Variants in NAA25 observed in about 807,000 individuals in gnomAD.
NAA25 encodes N-alpha-acetyltransferase 25, NatB auxiliary subunit.
A neutral mutation model predicts 132.5 loss-of-function variants in NAA25; 30 were observed. The observed-to-expected ratio is 0.23, with a 90% CI of 0.17 to 0.31. The LOEUF (loss-of-function observed/expected upper bound fraction) is 0.31. Ranked by LOEUF, NAA25 falls within the 10% of genes least tolerant of loss-of-function variation. The pLI is 1.00. For synonymous variants in NAA25, 359 were observed against 401.9 expected (o/e 0.89, Z 1.28); for missense variants, 771 against 1,150.4 (o/e 0.67, Z 4.77).
intron 13 of NAA25, among the ~76,000 whole-genome samples, chr12:112,055,467 G>C (rs2078531328): frequency 6.6e-6 from 1 of 152,146 alleles, no homozygotes; most frequent in Non-Finnish European, 1.5e-5. Flanking sequence ...AGCTGAGGTG[G>C]GAGGATCACT....
chr12:112,076,040 G>A (rs565068961), intron 7 of NAA25, among the ~76,000 whole-genome samples: 4 of 152,012 alleles, frequency 2.6e-5, no homozygotes, highest in Non-Finnish European at 4.4e-5. Context: ...CTGCCACCAC[G>A]CCTGGCTAAT....
At chr12:112,092,281 G>T (rs566082589) in intron 2 of NAA25, among the ~76,000 whole-genome samples, 4 of 151,602 alleles carry the variant, frequency 2.6e-5, no homozygotes, top group Admixed American at 2.6e-4. Flanking sequence ...ACCACTTGTG[G>T]CATGTAAGTG....
chr12:112,103,160 T>C (rs781046111), intron 1 of NAA25, among the ~76,000 whole-genome samples: 2 of 152,142 alleles, frequency 1.3e-5, no homozygotes, highest in Non-Finnish European at 2.9e-5. Flanking sequence ...CTAATTTTTG[T>C]ATTTTTAGTA....
At chr12:112,038,463 G>A (rs921374825) in intron 22 of NAA25, among the ~76,000 whole-genome samples, 1 of 152,038 alleles carries the variant, frequency 6.6e-6, no homozygotes, top group South Asian at 2.1e-4. Flanking sequence ...CTTTTACATG[G>A]TTCAACAAAT....
At chr12:112,033,180 CAG>C (rs968256107) in intron 23 of NAA25, 51 bp downstream of exon 23, 4 of 1,498,716 alleles carry the variant, frequency 2.7e-6, no homozygotes, top group African/African-American at 2.8e-5. Flanking sequence ...GAGAGAGAGA[CAG>C]AGTGTTTGTG....
intron 4 of NAA25, among the ~76,000 whole-genome samples, chr12:112,082,901 A>T (rs2078994115): frequency 6.6e-6 from 1 of 152,200 alleles, no homozygotes; most frequent in Non-Finnish European, 1.5e-5. Context: ...AACAAAAAAC[A>T]TTCAAGAAAG....
chr12:112,042,992 ACT>A, intron 19 of NAA25, 94 bp downstream of exon 19: 1 of 1,212,256 alleles, frequency 8.2e-7, no homozygotes, highest in Non-Finnish European at 1.1e-6. Flanking sequence ...GCTTCCATGT[ACT>A]CTAAAATTTT....
At chr12:112,045,257 C>T (rs1426412121) in intron 17 of NAA25, among the ~76,000 whole-genome samples, 7 of 151,848 alleles carry the variant, frequency 4.6e-5, no homozygotes, top group African/African-American at 1.7e-4. Context: ...TTCGGGAGGC[C>T]GAGGCAGGCA....
At chr12:112,069,107 T>C (rs1219619821) in intron 10 of NAA25, 115 bp from the exon 11 acceptor site, 5 of 645,414 alleles carry the variant, frequency 7.7e-6, no homozygotes, top group Admixed American at 2.7e-5. Flanking sequence ...TGCTTGCAAC[T>C]GGTCCCAAGA....
At chr12:112,100,807 G>T (rs909841082) in intron 1 of NAA25, among the ~76,000 whole-genome samples, 2 of 151,352 alleles carry the variant, frequency 1.3e-5, no homozygotes, top group Non-Finnish European at 2.9e-5. Flanking sequence ...TTTTAGTGGA[G>T]ACGGGGTTTC....
At position 112,077,874 on chromosome 12, in the gene NAA25, G is replaced by A. The variant is rs575243810; in HGVS notation, c.664+314C>T. On this transcript the variant is annotated intron_variant, in intron 7 of 23. Transcript: ENST00000261745. ...AGCCAGGTATATTATGTTTTCATTC[G>A]TGTTTAAAAAAAAAAGTGGGGAAGA... Among the ~76,000 whole-genome samples the A allele has an allele frequency of 1.1e-4, 17 of 150,982 alleles. No homozygotes were observed. The South Asian group carries it at 1.3e-3, about 11-fold the overall frequency.
intron 15 of NAA25, among the ~76,000 whole-genome samples, chr12:112,051,155 C>T (rs1487189283): frequency 6.6e-6 from 1 of 152,110 alleles, no homozygotes; most frequent in Non-Finnish European, 1.5e-5. Context: ...CAGTTCACAC[C>T]ACAGTCTCTA....
At chr12:112,100,698 C>T (rs2079281965) in intron 1 of NAA25, among the ~76,000 whole-genome samples, 1 of 145,372 alleles carries the variant, frequency 6.9e-6, no homozygotes, top group African/African-American at 2.6e-5. Context: ...TGGCTCGCTG[C>T]ATGCTCCGCC....
At chr12:112,055,808 T>G (rs2078535568) in intron 13 of NAA25, among the ~76,000 whole-genome samples, 1 of 152,028 alleles carries the variant, frequency 6.6e-6, no homozygotes, top group Non-Finnish European at 1.5e-5. Context: ...CTTTCCAAAA[T>G]TTATACAAGC....
At chr12:112,094,141 T>A (rs2079178549) in intron 1 of NAA25, among the ~76,000 whole-genome samples, 1 of 145,598 alleles carries the variant, frequency 6.9e-6, no homozygotes, top group Non-Finnish European at 1.5e-5. Context: ...CTGGGGAGGC[T>A]GAGACAGGAG....
At chr12:112,031,571 T>C (rs577777893) in intron 23 of NAA25, among the ~76,000 whole-genome samples, 3 of 152,100 alleles carry the variant, frequency 2.0e-5, no homozygotes, top group Non-Finnish European at 4.4e-5. Context: ...CCAGAGAGTA[T>C]GGCCAAGTTA....
chr12:112,034,208 A>G (rs2078190789), intron 22 of NAA25: 1 of 152,228 alleles, frequency 6.6e-6, no homozygotes, highest in African/African-American at 2.4e-5. Flanking sequence ...TAAAGAAACT[A>G]TATTATAGGC....
chr12:112,053,054 T>C (rs1341236420), intron 15 of NAA25, among the ~76,000 whole-genome samples: 1 of 152,248 alleles, frequency 6.6e-6, no homozygotes, highest in Non-Finnish European at 1.5e-5. Context: ...CTCTATTTAT[T>C]GCTACTTTAA....
chr12:112,054,624 A>C, intron 13 of NAA25, 56 bp from the exon 14 acceptor site: 1 of 1,461,244 alleles, frequency 6.8e-7, no homozygotes, highest in South Asian at 1.3e-5. Context: ...AAAGCTTCCC[A>C]AAAACAAAAA....
Sources: gnomAD v4.1 joint callset for allele counts (sites outside exome capture counted in the v4.1 genomes callset) on GRCh38, gnomAD v4.1.1 for gene constraint, MANE v1.5 for transcripts, NCBI Gene and HGNC (gene_info 2026-07-23, HGNC 2026-07-21) for gene names.